The following KCTD1 variants were observed in gnomAD, a reference collection of about 807,000 sequenced individuals.
KCTD1 encodes potassium channel tetramerization domain containing 1.
Under a neutral mutation model 66.0 loss-of-function variants are expected in KCTD1, and 24 were observed. That is an observed-to-expected ratio of 0.36 (90% CI 0.26 to 0.51). KCTD1 has a LOEUF of 0.51. Among genes scored for constraint, KCTD1 ranks in the 20% least tolerant of loss-of-function variants. KCTD1 has a pLI of 0.95. For synonymous variants in KCTD1, 511 were observed against 517.2 expected (o/e 0.99, Z 0.16); for missense variants, 943 against 1,205.2 (o/e 0.78, Z 3.22).
intron 1 of KCTD1, among the ~76,000 whole-genome samples, chr18:26,570,135 G>A (rs562767891): frequency 7.4e-5 from 11 of 148,454 alleles, no homozygotes; most frequent in Non-Finnish European, 1.6e-4. Flanking sequence ...GCAGTGAGAT[G>A]AAATTGTGCC....
intron 3 of KCTD1, among the ~76,000 whole-genome samples, chr18:26,465,196 G>T (rs1466755361): frequency 6.6e-6 from 1 of 152,124 alleles, no homozygotes; most frequent in Non-Finnish European, 1.5e-5. Flanking sequence ...AGATTCTCCT[G>T]CCTCAGCCTC....
chr18:26,474,467 C>T (rs1981235653), intron 3 of KCTD1, among the ~76,000 whole-genome samples: 1 of 152,202 alleles, frequency 6.6e-6, no homozygotes, highest in South Asian at 2.1e-4. Context: ...TGTTCCCTAA[C>T]ACTGTATATT....
At chr18:26,631,022 A>G (rs997264448), upstream of KCTD1, among the ~76,000 whole-genome samples, 1 of 152,206 alleles carries the variant, frequency 6.6e-6, no homozygotes, top group African/African-American at 2.4e-5. Flanking sequence ...TGGTGGTGAT[A>G]CTATTCTAGT....
At chr18:26,586,028 C>T (rs1006589645) in intron 1 of KCTD1, among the ~76,000 whole-genome samples, 2 of 152,164 alleles carry the variant, frequency 1.3e-5, no homozygotes, top group African/African-American at 4.8e-5. Context: ...GAGGAAGATG[C>T]TGTCTCTTAA....
intron 1 of KCTD1, among the ~76,000 whole-genome samples, chr18:26,589,273 G>A (rs1050438403): frequency 3.9e-5 from 6 of 152,186 alleles, no homozygotes; most frequent in African/African-American, 9.7e-5. Context: ...CTGGCCACAG[G>A]AGGACATTTA....
chr18:26,581,421 C>T (rs1469795675), intron 1 of KCTD1: 1 of 152,114 alleles, frequency 6.6e-6, no homozygotes, highest in African/African-American at 2.4e-5. Flanking sequence ...TCATGCCTGG[C>T]TAATTTTTAA....
At chr18:26,489,659 T>C (rs1305001507) in intron 2 of KCTD1, among the ~76,000 whole-genome samples, 1 of 152,240 alleles carries the variant, frequency 6.6e-6, no homozygotes, top group Non-Finnish European at 1.5e-5. Context: ...CACGTTGGCC[T>C]GATAAAAAAC....
intron 1 of KCTD1, among the ~76,000 whole-genome samples, chr18:26,609,517 G>A (rs1987089135): frequency 6.6e-6 from 1 of 152,214 alleles, no homozygotes; most frequent in Admixed American, 6.5e-5. Flanking sequence ...AAAGGATGGA[G>A]ATGACTTGCT....
intron 1 of KCTD1, among the ~76,000 whole-genome samples, chr18:26,582,290 A>G (rs143541742): frequency 0.012 from 1,776 of 150,534 alleles, 16 homozygotes; most frequent in African/African-American, 0.021. Context: ...AAAAAAAGTC[A>G]GCAAATAATA....
intron 1 of KCTD1, among the ~76,000 whole-genome samples, chr18:26,504,722 G>A (rs1982942979): frequency 6.6e-6 from 1 of 152,104 alleles, no homozygotes; most frequent in Admixed American, 6.5e-5. Flanking sequence ...GCGATATTTG[G>A]GGCTGAGAGT....
chr18:26,496,705 A>G (rs1322636270), intron 2 of KCTD1, among the ~76,000 whole-genome samples: 1 of 151,508 alleles, frequency 6.6e-6, no homozygotes, highest in Non-Finnish European at 1.5e-5. Context: ...TCACTGAATC[A>G]TTACTCAGGG....
At chr18:26,485,207 A>C (rs1981852467) in intron 2 of KCTD1, among the ~76,000 whole-genome samples, 1 of 152,242 alleles carries the variant, frequency 6.6e-6, no homozygotes, top group African/African-American at 2.4e-5. Flanking sequence ...TCATCTGTGC[A>C]GGGCACAGTA....
Position 26,469,666 on chromosome 18 carries a change from A to C in KCTD1, c.2133+6849T>G, listed in dbSNP as rs370047792. On this transcript the variant is annotated intron_variant, in intron 3 of 4. Transcript: ENST00000580059. ...GCAGCATACAATGATGATATTATAT[A>C]CACGTTTTGTATTTTCTACTTAGTC... Among the ~76,000 whole-genome samples the C allele has an allele frequency of 1.3e-3, 202 of 152,336 alleles. 1 individual carries two copies. Among genetic ancestry groups the C allele is most frequent in the Non-Finnish European group, 2.2e-3 (149 of 68,036 alleles).
intron 1 of KCTD1, among the ~76,000 whole-genome samples, chr18:26,558,738 A>ATTT (rs1985770463): frequency 6.6e-6 from 1 of 152,104 alleles, no homozygotes; most frequent in Non-Finnish European, 1.5e-5. Flanking sequence ...CCTGGCCAAC[A>ATTT]TGGTGAAACC....
At chr18:26,651,699 G>A (rs144899825) in intron 1 of KCTD1, among the ~76,000 whole-genome samples, 125 of 150,156 alleles carry the variant, frequency 8.3e-4, no homozygotes, top group African/African-American at 2.9e-3. Flanking sequence ...CAGGAGAATC[G>A]CTTGAGCCTA....
Position 26,498,935 on chromosome 18 carries a change from T to C in KCTD1, c.1988+2137A>G, listed in dbSNP as rs531241375. Among the ~76,000 whole-genome samples, 4 of 152,246 alleles carry C rather than the reference T, an allele frequency of 2.6e-5. No individual in the cohort carries two copies. The South Asian group carries it at 8.3e-4, about 32-fold the overall frequency. Reference sequence around the variant, plus strand: ...ATAGGAACTGAATGAATAGAGCCTCTCTCCCTCTGTCTTCTACTTTGGCCA... The same window carrying C: ...ATAGGAACTGAATGAATAGAGCCTCCCTCCCTCTGTCTTCTACTTTGGCCA... On this transcript the variant is annotated intron_variant, in intron 2 of 4. Transcript: ENST00000580059.
intron 1 of KCTD1, among the ~76,000 whole-genome samples, chr18:26,639,335 C>A (rs1271803151): frequency 6.6e-6 from 1 of 152,168 alleles, no homozygotes; most frequent in Non-Finnish European, 1.5e-5. Flanking sequence ...GCCAGTCTAT[C>A]TGGCTGAGGT....
At chr18:26,479,518 C>G (rs1050043254) in intron 2 of KCTD1, among the ~76,000 whole-genome samples, 20 of 152,144 alleles carry the variant, frequency 1.3e-4, no homozygotes, top group African/African-American at 4.8e-4. Context: ...GCGTGGGCTC[C>G]GTGGAAGCAG....
upstream of KCTD1, chr18:26,549,073 G>T: frequency 1.0e-6 from 1 of 985,244 alleles, no homozygotes; most frequent in Non-Finnish European, 1.2e-6. Flanking sequence ...GTGCTGCCGC[G>T]GGAAACCCGT....
Sources: allele counts gnomAD v4.1 joint callset (sites outside exome capture counted in the v4.1 genomes callset), GRCh38; gene constraint gnomAD v4.1.1; transcripts MANE v1.5; gene names NCBI Gene and HGNC (gene_info 2026-07-23, HGNC 2026-07-21).